The following IL34 variants were observed in gnomAD, a reference collection of about 807,000 sequenced individuals.
IL34 encodes the protein interleukin-34.
A neutral mutation model predicts 25.3 loss-of-function variants in IL34; 17 were observed. That is an observed-to-expected ratio of 0.67 (90% CI 0.46 to 1.01). IL34 has a LOEUF of 1.01. Ranked by LOEUF, IL34 falls within the 50% of genes least tolerant of loss-of-function variation. IL34 has a pLI of 0.00. For synonymous variants in IL34, 174 were observed against 140.9 expected (o/e 1.23, Z -1.66); for missense variants, 368 against 312.9 (o/e 1.18, Z -1.33).
At chr16:70,635,426 G>GT (rs1441555494) in intron 1 of IL34, among the ~76,000 whole-genome samples, 3 of 152,210 alleles carry the variant, frequency 2.0e-5, no homozygotes, top group Non-Finnish European at 1.5e-5. Context: ...ACAAAGGCCT[G>GT]TTGGAGGCCC....
intron 1 of IL34, among the ~76,000 whole-genome samples, chr16:70,602,640 G>A (rs924269048): frequency 2.0e-5 from 3 of 147,792 alleles, no homozygotes; most frequent in African/African-American, 7.8e-5. Flanking sequence ...TTGGGCGAGG[G>A]GTGGTAGCCA....
At chr16:70,635,243 A>AC (rs1399291648) in intron 1 of IL34, among the ~76,000 whole-genome samples, 2 of 151,666 alleles carry the variant, frequency 1.3e-5, no homozygotes, top group African/African-American at 4.9e-5. Context: ...CATCCTGAGA[A>AC]CTCAAACAGT....
At chr16:70,602,499 C>T (rs1385302749) in intron 1 of IL34, among the ~76,000 whole-genome samples, 1 of 151,858 alleles carries the variant, frequency 6.6e-6, no homozygotes, top group East Asian at 1.9e-4. Flanking sequence ...TGCCACTGCA[C>T]TCAGGCCTGG....
intron 1 of IL34, among the ~76,000 whole-genome samples, chr16:70,590,398 C>A (rs1453993075): frequency 6.6e-6 from 1 of 152,178 alleles, no homozygotes; most frequent in Non-Finnish European, 1.5e-5. Flanking sequence ...TTAGCGGAGG[C>A]AGGTAAGGAG....
intron 1 of IL34, among the ~76,000 whole-genome samples, chr16:70,597,118 A>C (rs2050834636): frequency 6.6e-6 from 1 of 152,114 alleles, no homozygotes; most frequent in African/African-American, 2.4e-5. Flanking sequence ...GCTCTGGGGT[A>C]GTTCCCAAGT....
At chr16:70,629,338 T>G (rs1403731068) in intron 1 of IL34, among the ~76,000 whole-genome samples, 1 of 152,214 alleles carries the variant, frequency 6.6e-6, no homozygotes, top group Non-Finnish European at 1.5e-5. Context: ...TGAGGTATTT[T>G]ATCATGTTAG....
chr16:70,604,667 G>A (rs1193246642), intron 1 of IL34, among the ~76,000 whole-genome samples: 2 of 152,234 alleles, frequency 1.3e-5, no homozygotes, highest in Non-Finnish European at 2.9e-5. Flanking sequence ...TGGATCAGCC[G>A]TGCCAGGTCT....
rs112639369 is a variant in IL34 at position 70,660,170 on chromosome 16, G to T, written c.712G>T (p.Glu238Ter). Residue 238 changes from glutamate (E) to a stop codon, truncating the protein, a stop_gained, in exon 6 of 6, where the codon GAG becomes TAG. Coordinates refer to ENST00000288098, the MANE Select transcript of IL34 (RefSeq NM_001393494.1). LOFTEE classifies it high-confidence loss of function. ...GSVRPVRAQG[E>*]GLLP ...GGTGAGGCCGGTCAGGGCACAGGGC[G>T]AGGGCCTCTTGCCCTGAGCACCCTG... 2 of 1,594,400 alleles carry T rather than the reference G, an allele frequency of 1.3e-6. No individual in the cohort carries two copies. The highest frequency in any genetic ancestry group is 1.7e-6 in the Non-Finnish European group (2 of 1,171,464).
intron 1 of IL34, among the ~76,000 whole-genome samples, chr16:70,624,245 C>T (rs1275247657): frequency 6.6e-6 from 1 of 151,838 alleles, no homozygotes; most frequent in Non-Finnish European, 1.5e-5. Flanking sequence ...GCACGTGTAG[C>T]AAGCTCCTGG....
In IL34 at chr16:70,600,464, G is replaced by A. The variant is rs1432929374; in HGVS notation, c.-401+20415G>A. On this transcript the variant is annotated intron_variant, in intron 1 of 6. Transcript: ENST00000429149. ...GGCACCTGCTTACCAAACATTGACA[G>A]AACACAGCGCTGCACATGGAACTAT... is the stretch of plus-strand genomic sequence containing the variant. Among the ~76,000 whole-genome samples, 4 of 152,186 alleles carry A rather than the reference G, an allele frequency of 2.6e-5. No individual in the cohort carries two copies. The East Asian group carries it at 5.8e-4, about 22-fold the overall frequency.
At chr16:70,654,465 C>A in intron 1 of IL34, 73 bp from the exon 2 acceptor site, 4 of 1,517,674 alleles carry the variant, frequency 2.6e-6, no homozygotes, top group South Asian at 1.3e-5. Context: ...TGGTTGTGCT[C>A]GGCTTTGCGT....
At chr16:70,596,393 G>A (rs1371769196) in intron 1 of IL34, among the ~76,000 whole-genome samples, 1 of 152,200 alleles carries the variant, frequency 6.6e-6, no homozygotes, top group Non-Finnish European at 1.5e-5. Context: ...CATCTCCAGA[G>A]GCACAAAGAG....
rs1231769751 is a variant in IL34 at position 70,620,527 on chromosome 16, A to G, written c.-400-26021A>G. Among the ~76,000 whole-genome samples the G allele has an allele frequency of 6.6e-5, 10 of 152,184 alleles. 1 individual carries two copies. The highest frequency in any genetic ancestry group is 5.9e-4 in the Admixed American group (9 of 15,278). ...GCCTGGCGAGGAGGGGAGAGGTCAG[A>G]TGGGTCTGTAGAAAAGGAAGATTAG... On this transcript the variant is annotated intron_variant, in intron 1 of 6. Coordinates refer to the IL34 transcript ENST00000429149.
At chr16:70,653,004 A>C (rs539381949) in intron 1 of IL34, among the ~76,000 whole-genome samples, 31 of 152,176 alleles carry the variant, frequency 2.0e-4, no homozygotes, top group Non-Finnish European at 4.1e-4. Flanking sequence ...CAGGAGTTTG[A>C]GAACAGCCTG....
At chr16:70,625,903 CT>C (rs1477722409) in intron 1 of IL34, among the ~76,000 whole-genome samples, 11 of 152,226 alleles carry the variant, frequency 7.2e-5, no homozygotes, top group African/African-American at 2.4e-4. Context: ...TTGGGCTTGT[CT>C]GTCTAAGGAC....
At chr16:70,655,901 C>G (rs1272925265) in intron 2 of IL34, among the ~76,000 whole-genome samples, 6 of 152,166 alleles carry the variant, frequency 3.9e-5, no homozygotes, top group African/African-American at 1.2e-4. Flanking sequence ...AACAGCTTTA[C>G]TGAGATATAA....
intron 1 of IL34, among the ~76,000 whole-genome samples, chr16:70,596,563 C>G (rs1006673227): frequency 4.6e-5 from 7 of 152,144 alleles, no homozygotes; most frequent in African/African-American, 1.7e-4. Context: ...CACTGGCATC[C>G]CATTTCCCAC....
rs1395584552 is a variant in IL34 at position 70,660,176 on chromosome 16, C to T, written c.718C>T (p.Leu240Phe). The T allele has an allele frequency of 3.2e-6, 5 of 1,584,846 alleles. No homozygotes were observed. Among genetic ancestry groups the T allele is most frequent in the African/African-American group, 2.7e-5 (2 of 73,858 alleles). ...GCCGGTCAGGGCACAGGGCGAGGGC[C>T]TCTTGCCCTGAGCACCCTGGATGGT... ...VRPVRAQGEG[L>F]LP is the part of the protein sequence containing the mutation. The change falls in exon 6 of 6, where the codon CTC becomes TTC. Residue 240 changes from leucine to phenylalanine, a missense_variant. Coordinates refer to ENST00000288098, the MANE Select transcript of IL34 (RefSeq NM_001393494.1).
At chr16:70,622,981 C>A (rs2051313263) in intron 1 of IL34, among the ~76,000 whole-genome samples, 9 of 152,012 alleles carry the variant, frequency 5.9e-5, no homozygotes, top group Admixed American at 5.9e-4. Flanking sequence ...ATTCTGACCA[C>A]ACTAACCATA....
Sources: allele counts gnomAD v4.1 joint callset (sites outside exome capture counted in the v4.1 genomes callset), GRCh38; gene constraint gnomAD v4.1.1; transcripts MANE v1.5; gene names NCBI Gene and HGNC (gene_info 2026-07-23, HGNC 2026-07-21).